Variants in FRY observed in about 807,000 individuals in gnomAD.
FRY encodes FRY microtubule binding protein, also known as protein furry homolog.
Under a neutral mutation model 348.4 loss-of-function variants are expected in FRY, and 128 were observed. That is an observed-to-expected ratio of 0.37 (90% CI 0.32 to 0.43). FRY has a LOEUF of 0.43. Among genes scored for constraint, FRY ranks in the 20% least tolerant of loss-of-function variants. The probability of loss-of-function intolerance (pLI) is 1.00; values close to 1 mark genes in which losing one functional copy is unlikely to be tolerated. For missense variants in FRY, 2,736 were observed against 3,695.2 expected, an observed-to-expected ratio of 0.74 and a Z score of 6.73; for synonymous variants, 1,370 against 1,374.7, an observed-to-expected ratio of 1.00 and a Z score of 0.08.
At position 32,155,535 on chromosome 13, in the gene FRY, C is replaced by T; in HGVS notation, c.1524C>T (p.Ser508=). ...GGGCATTCTTGGTCATAGCTGATAG[C>T]TTGCAGCAGAAAGATGGGGAACCTC... ...GLRAFLVIAD[S]LQQKDGEPPM... The change falls in exon 15 of 61, where the codon AGC becomes AGT. Residue 508 remains serine (S), a synonymous_variant. Transcript: ENST00000542859. 2 of 1,613,338 alleles carry T rather than the reference C, an allele frequency of 1.2e-6. No individual in the cohort carries two copies. The highest frequency in any genetic ancestry group is 1.7e-6 in the Non-Finnish European group (2 of 1,179,318).
At chr13:32,255,681 G>A (rs1009892748) in intron 51 of FRY, among the ~76,000 whole-genome samples, 1 of 152,170 alleles carries the variant, frequency 6.6e-6, no homozygotes, top group Non-Finnish European at 1.5e-5. Flanking sequence ...AGTATTGCAG[G>A]TTTCTGTGAT....
chr13:32,268,314 G>C (rs973966977), intron 55 of FRY, among the ~76,000 whole-genome samples: 2 of 151,934 alleles, frequency 1.3e-5, no homozygotes, highest in Non-Finnish European at 2.9e-5. Flanking sequence ...AGAGCTCTTT[G>C]AAGGCCATTG....
chr13:32,225,647 A>G (rs1023222215), intron 38 of FRY, 142 bp from the exon 39 acceptor site: 7 of 762,578 alleles, frequency 9.2e-6, no homozygotes, highest in Non-Finnish European at 1.6e-5. Flanking sequence ...CAACTCCTGT[A>G]TGTTGGTAAC....
At chr13:32,203,459 C>T (rs964186845) in intron 31 of FRY, among the ~76,000 whole-genome samples, 5 of 152,168 alleles carry the variant, frequency 3.3e-5, no homozygotes, top group African/African-American at 1.2e-4. Flanking sequence ...GGCGTGGTGG[C>T]TCACACCCGT....
intron 58 of FRY, among the ~76,000 whole-genome samples, chr13:32,282,169 A>G (rs1206734466): frequency 6.6e-6 from 1 of 152,180 alleles, no homozygotes; most frequent in African/African-American, 2.4e-5. Flanking sequence ...CCTCCAACCC[A>G]AAACAAAACC....
chr13:32,079,262 G>A (rs1222167311), intron 2 of FRY, among the ~76,000 whole-genome samples: 47 of 152,146 alleles, frequency 3.1e-4, no homozygotes, highest in Non-Finnish European at 5.9e-5. Flanking sequence ...TCAGTAGCAT[G>A]CTTCACTGCT....
At chr13:32,159,717 C>A (rs201174433) in intron 16 of FRY, among the ~76,000 whole-genome samples, 1 of 152,034 alleles carries the variant, frequency 6.6e-6, no homozygotes, top group African/African-American at 2.4e-5. Flanking sequence ...ATCCATTTTC[C>A]GACAGATATA....
Position 32,296,624 on chromosome 13 carries a change from A to AG in FRY, c.*1164_*1165insG, listed in dbSNP as rs1218821369. ...AACTTTCTTTAGACTAAAAAAAAAA[A>AG]AAAAGACAAAATACACGTTGACCAT... On this transcript the variant is annotated 3_prime_UTR_variant, in exon 61 of 61. Transcript: ENST00000542859. 1.3e-5 allele frequency: 2 copies of AG among 152,326 alleles called. No homozygotes were observed. The highest frequency in any genetic ancestry group is 2.9e-5 in the Non-Finnish European group (2 of 67,928). The allele number at this position is 152,326 out of a possible 1,614,324, so 9.4% of individuals were successfully genotyped here.
intron 58 of FRY, among the ~76,000 whole-genome samples, chr13:32,283,288 T>A (rs1888902683): frequency 6.6e-6 from 1 of 152,156 alleles, no homozygotes; most frequent in Admixed American, 6.5e-5. Flanking sequence ...GCACTAAGTG[T>A]AGACTGCCCT....
At chr13:32,041,481 A>G (rs1872742987) in intron 1 of FRY, among the ~76,000 whole-genome samples, 1 of 151,818 alleles carries the variant, frequency 6.6e-6, no homozygotes, top group African/African-American at 2.4e-5. Flanking sequence ...TTTAGTGGAG[A>G]CGGGGTTTCA....
chr13:32,065,347 C>T (rs571944401), intron 1 of FRY, among the ~76,000 whole-genome samples: 5 of 152,066 alleles, frequency 3.3e-5, no homozygotes, highest in Non-Finnish European at 7.4e-5. Flanking sequence ...ACTCCATTGC[C>T]CAGGCTGGAG....
intron 19 of FRY, among the ~76,000 whole-genome samples, chr13:32,175,211 ACTC>A (rs1882297986): frequency 6.6e-6 from 1 of 152,162 alleles, no homozygotes; most frequent in Non-Finnish European, 1.5e-5. Context: ...CAGAATTTCT[ACTC>A]CTCGAAATTA....
At chr13:32,282,187 T>C (rs1225030515) in intron 58 of FRY, among the ~76,000 whole-genome samples, 1 of 152,122 alleles carries the variant, frequency 6.6e-6, no homozygotes, top group African/African-American at 2.4e-5. Context: ...ACCCAACAAA[T>C]GTCTGGCCTC....
intron 14 of FRY, among the ~76,000 whole-genome samples, chr13:32,151,481 C>T (rs1880790561): frequency 6.6e-6 from 1 of 152,256 alleles, no homozygotes; most frequent in African/African-American, 2.4e-5. Context: ...AGATGTCATA[C>T]ACTTGATGAA....
rs544784866 is a variant in FRY, at chr13:32,096,080, A to G, written c.271-5883A>G. On this transcript the variant is annotated intron_variant, in intron 2 of 60. Transcript: ENST00000542859. Reference sequence around the variant, plus strand: ...ATCCTTTCTTTCTTCCCTCTTTCTTATATTCTTTCCCTTTCTCCCTTTCTT... The same window carrying G: ...ATCCTTTCTTTCTTCCCTCTTTCTTGTATTCTTTCCCTTTCTCCCTTTCTT... Among the ~76,000 whole-genome samples, 3 of 135,146 alleles carry G rather than the reference A, an allele frequency of 2.2e-5. No homozygotes were observed. In the East Asian group the frequency reaches 6.4e-4, roughly 29 times the overall value. 88.7% of individuals were successfully genotyped at this position (135,146 alleles called of 152,430 possible). A position where few individuals can be genotyped will look rare whatever the true frequency, so the allele number is the denominator to read the frequency against.
At chr13:32,178,613 C>T (rs1290163585) in intron 21 of FRY, among the ~76,000 whole-genome samples, 177 bp downstream of exon 21, 3 of 152,010 alleles carry the variant, frequency 2.0e-5, no homozygotes, top group African/African-American at 7.2e-5. Flanking sequence ...TGGTTTTTTG[C>T]CTTAATAATC....
At chr13:32,247,266 C>T in intron 47 of FRY, 57 bp from the exon 48 acceptor site, 4 of 1,399,108 alleles carry the variant, frequency 2.9e-6, no homozygotes, top group Admixed American at 1.7e-5. Context: ...TTCTGACATA[C>T]ATTAGCTTTA....
rs1887798778 is a variant in FRY, at chr13:32,263,966, C to T, written c.7780-1484C>T. On this transcript the variant is annotated intron_variant, in intron 53 of 60. Transcript: ENST00000542859. ...AGGTTGCAGGTAGCTGAGATCGCAC[C>T]ACTGCACTCCAGCCTGGGCGACAGA... Among the ~76,000 whole-genome samples the T allele has an allele frequency of 3.3e-5, 5 of 152,162 alleles. No homozygotes were observed. In the South Asian group the frequency reaches 1.0e-3, roughly 32 times the overall value.
At chr13:32,078,560 A>G (rs1875262328) in intron 1 of FRY, among the ~76,000 whole-genome samples, 1 of 152,248 alleles carries the variant, frequency 6.6e-6, no homozygotes, top group Non-Finnish European at 1.5e-5. Context: ...AAGTATTGTA[A>G]GATTGATCAG....
Sources: gnomAD v4.1 joint callset for allele counts (sites outside exome capture counted in the v4.1 genomes callset) on GRCh38, gnomAD v4.1.1 for gene constraint, MANE v1.5 for transcripts, NCBI Gene and HGNC (gene_info 2026-07-23, HGNC 2026-07-21) for gene names.